WDFY1: variants seen among roughly 807,000 people sequenced by gnomAD.
The protein encoded by WDFY1 is WD repeat and FYVE domain-containing protein 1.
Under a neutral mutation model 56.4 loss-of-function variants are expected in WDFY1, and 32 were observed. The observed-to-expected ratio is 0.57, with a 90% CI of 0.43 to 0.76. The LOEUF is 0.76. Ranked by LOEUF, WDFY1 falls within the 30% of genes least tolerant of loss-of-function variation. The pLI, the probability that WDFY1 is intolerant of heterozygous loss-of-function variation, is 0.00. For synonymous variants in WDFY1, 192 were observed against 197.3 expected, an observed-to-expected ratio of 0.97 and a Z score of 0.23; for missense variants, 480 against 545.7, an observed-to-expected ratio of 0.88 and a Z score of 1.20.
At position 223,932,787 on chromosome 2, in the gene WDFY1, C is replaced by T. The variant is rs1406987316; in HGVS notation, c.137+12361G>A. Among the ~76,000 whole-genome samples the T allele has an allele frequency of 2.0e-5, 3 of 151,606 alleles. No individual in the cohort carries two copies. In the East Asian group the frequency reaches 5.8e-4, roughly 29 times the overall value. On this transcript the variant is annotated intron_variant, in intron 1 of 11. Transcript: ENST00000233055. ...TAGGGATGCTGATACTATTTCAAAT[C>T]TTGGTAAATCTGTGAACATTTCTGT...
chr2:223,895,310 TGTTTA>T (rs1693346698), intron 7 of WDFY1, among the ~76,000 whole-genome samples, 189 bp downstream of exon 7: 1 of 152,202 alleles, frequency 6.6e-6, no homozygotes, highest in African/African-American at 2.4e-5. Context: ...TTGTTTGTTT[TGTTTA>T]GTTTTTTGCT....
chr2:223,904,629 T>A (rs932931284), intron 4 of WDFY1, among the ~76,000 whole-genome samples: 1 of 152,168 alleles, frequency 6.6e-6, no homozygotes, highest in Non-Finnish European at 1.5e-5. Context: ...TATTAAAGTA[T>A]CCTATTATTA....
Position 223,905,934 on chromosome 2 carries a change from G to C in WDFY1, c.334+13C>G, listed in dbSNP as rs1323867630. On this transcript the variant is annotated intron_variant, in intron 4 of 11. Coordinates refer to ENST00000233055, the MANE Select transcript of WDFY1 (RefSeq NM_020830.5). ...CATGTATGTGTACGCAAGATAATGTGTATTATAATTACCTGGGTAGGTCTT... is the reference window on the plus strand; with the variant it reads ...CATGTATGTGTACGCAAGATAATGTCTATTATAATTACCTGGGTAGGTCTT... The C allele has an allele frequency of 1.2e-5, 19 of 1,541,240 alleles. No homozygotes were observed. The highest frequency in any genetic ancestry group is 1.7e-5 in the Non-Finnish European group (19 of 1,139,216).
intron 8 of WDFY1, among the ~76,000 whole-genome samples, chr2:223,893,354 CAAAA>C (rs557812473): frequency 9.2e-6 from 1 of 108,750 alleles, no homozygotes. Flanking sequence ...CTGTCTCTAC[CAAAA>C]AAAAAAAAAA....
chr2:223,917,605 G>C (rs1015031918), intron 2 of WDFY1, among the ~76,000 whole-genome samples: 2 of 151,722 alleles, frequency 1.3e-5, no homozygotes, highest in Admixed American at 1.3e-4. Context: ...ATGGAGTCTC[G>C]CTCTGTCGCC....
At chr2:223,896,605 T>C (rs1693385312) in intron 6 of WDFY1, among the ~76,000 whole-genome samples, 1 of 152,228 alleles carries the variant, frequency 6.6e-6, no homozygotes, top group Non-Finnish European at 1.5e-5. Flanking sequence ...CATCGACTGC[T>C]GTTTGTCTAG....
At chr2:223,913,438 C>T (rs548694436) in intron 2 of WDFY1, among the ~76,000 whole-genome samples, 4 of 152,108 alleles carry the variant, frequency 2.6e-5, no homozygotes, top group Middle Eastern at 3.4e-3. Context: ...CTGAAAGGTA[C>T]GTACTGAAAT....
In WDFY1 at chr2:223,881,390, T is replaced by C. The variant is rs980047196; in HGVS notation, c.1064+552A>G. On this transcript the variant is annotated intron_variant, in intron 10 of 11. Coordinates refer to ENST00000233055, the MANE Select transcript of WDFY1 (RefSeq NM_020830.5). ...CACTCAGTTACTGGACCATGTAACT[T>C]AGCATTCCTCACTGTGTTCAGGAGA... Among the ~76,000 whole-genome samples the C allele has an allele frequency of 5.9e-5, 9 of 152,192 alleles. No individual in the cohort carries two copies. In the East Asian group the frequency reaches 1.5e-3, roughly 26 times the overall value.
chr2:223,899,349 G>C (rs1288682334), intron 5 of WDFY1: 3 of 306,456 alleles, frequency 9.8e-6, no homozygotes, highest in Non-Finnish European at 1.2e-5. Context: ...ACTATATCAA[G>C]CAAGATCCCA....
At chr2:223,900,700 C>T (rs960184448) in intron 5 of WDFY1, among the ~76,000 whole-genome samples, 1 of 152,096 alleles carries the variant, frequency 6.6e-6, no homozygotes, top group African/African-American at 2.4e-5. Context: ...AGGAACAAAC[C>T]CCAGGGCTAT....
chr2:223,931,997 A>AT (rs1273223703), intron 1 of WDFY1, among the ~76,000 whole-genome samples: 3,750 of 144,044 alleles, frequency 0.026, 132 homozygotes, highest in African/African-American at 0.087. Context: ...AATTGGTCTA[A>AT]TTTTTTTTTT....
At chr2:223,940,096 G>A (rs1266232094) in intron 1 of WDFY1, among the ~76,000 whole-genome samples, 1 of 152,180 alleles carries the variant, frequency 6.6e-6, no homozygotes, top group Non-Finnish European at 1.5e-5. Context: ...CGAGGCGGGT[G>A]GATCACGAGG....
intron 6 of WDFY1, among the ~76,000 whole-genome samples, chr2:223,895,989 T>A (rs1261758484): frequency 6.6e-6 from 1 of 151,314 alleles, no homozygotes; most frequent in East Asian, 1.9e-4. Flanking sequence ...TGAAACCCTA[T>A]CTCTCCAAAA....
In WDFY1 at chr2:223,945,327, T is replaced by A. The variant is rs1007684735; in HGVS notation, c.-43A>T. 1.0e-5 allele frequency: 16 copies of A among 1,531,046 alleles called. No homozygotes were observed. The highest frequency in any genetic ancestry group is 7.9e-5 in the East Asian group (3 of 37,864). 94.8% of individuals were successfully genotyped at this position (1,531,046 alleles called of 1,614,324 possible). On this transcript the variant is annotated 5_prime_UTR_variant, in exon 1 of 12. The change abolishes an upstream ATG in the 5' untranslated region. Coordinates refer to ENST00000233055, the MANE Select transcript of WDFY1 (RefSeq NM_020830.5). ...TGCGGCCTCCTCGGCAGGCAGCCCA[T>A]CAGCTGACGCCTGGGCGGGCGGGGG...
chr2:223,923,375 C>A (rs1012739257), intron 1 of WDFY1, among the ~76,000 whole-genome samples: 1 of 152,092 alleles, frequency 6.6e-6, no homozygotes, highest in Admixed American at 6.5e-5. Context: ...AAATTCCAGA[C>A]TAAAAAATTA....
chr2:223,907,709 C>T (rs1693621503), intron 3 of WDFY1, among the ~76,000 whole-genome samples: 1 of 152,182 alleles, frequency 6.6e-6, no homozygotes, highest in African/African-American at 2.4e-5. Flanking sequence ...AAAGCTAAAA[C>T]GGAGAGCTTC....
In WDFY1 at chr2:223,906,007, A is replaced by C; in HGVS notation, c.280-6T>G. The C allele has an allele frequency of 1.3e-6, 2 of 1,561,318 alleles. No homozygotes were observed. Among genetic ancestry groups the C allele is most frequent in the Non-Finnish European group, 1.7e-6 (2 of 1,155,226 alleles). On this transcript the variant is annotated splice_polypyrimidine_tract_variant and splice_region_variant and intron_variant, in intron 3 of 11. Transcript: ENST00000233055. ...TCTTCAGAAACGTGAAATTCCTAAA[A>C]GCAAATGCACAAAATAAAAAATTAA...
chr2:223,882,726 ATTAT>A (rs1189492617), intron 9 of WDFY1, among the ~76,000 whole-genome samples: 1 of 32,480 alleles, frequency 3.1e-5, no homozygotes, highest in Non-Finnish European at 1.2e-4. Context: ...AGGCATTATT[ATTAT>A]TTTTTTTTTC....
chr2:223,890,586 T>G (rs954106126), intron 8 of WDFY1, among the ~76,000 whole-genome samples: 1 of 152,190 alleles, frequency 6.6e-6, no homozygotes, highest in Non-Finnish European at 1.5e-5. Context: ...CTTATACTTA[T>G]TATCTAAGAA....
Sources: gnomAD v4.1 joint callset for allele counts (sites outside exome capture counted in the v4.1 genomes callset) on GRCh38, gnomAD v4.1.1 for gene constraint, MANE v1.5 for transcripts, NCBI Gene and HGNC (gene_info 2026-07-23, HGNC 2026-07-21) for gene names.